Variants in CNTN4 observed in about 807,000 individuals in gnomAD.
CNTN4 encodes contactin 4.
In CNTN4, 77 loss-of-function variants were observed where a neutral mutation model predicts 122.5. The ratio of observed to expected loss-of-function variants is 0.63; its 90% CI spans 0.52 to 0.76. The LOEUF is 0.76. Among genes scored for constraint, CNTN4 ranks in the 30% least tolerant of loss-of-function variants. The pLI, the probability that CNTN4 is intolerant of heterozygous loss-of-function variation, is 0.00. For missense variants in CNTN4, 1,256 were observed against 1,259.1 expected (o/e 1.00, Z 0.04); for synonymous variants, 512 against 447.0 (o/e 1.15, Z -1.83).
chr3:2,734,248 A>G (rs1357611130), intron 4 of CNTN4, among the ~76,000 whole-genome samples: 1 of 151,950 alleles, frequency 6.6e-6, no homozygotes, highest in Non-Finnish European at 1.5e-5. Context: ...TTTGGTAGAG[A>G]TAGGGTCTCC....
intron 12 of CNTN4, among the ~76,000 whole-genome samples, chr3:2,924,130 T>C (rs1397982167): frequency 6.6e-6 from 1 of 152,102 alleles, no homozygotes; most frequent in African/African-American, 2.4e-5. Flanking sequence ...CAGGTGTACA[T>C]TGCATGGCCC....
intron 2 of CNTN4, among the ~76,000 whole-genome samples, chr3:2,288,426 A>AAC (rs2042017546): frequency 6.6e-6 from 1 of 152,122 alleles, no homozygotes; most frequent in Non-Finnish European, 1.5e-5. Flanking sequence ...AAAGAGGTAG[A>AAC]ACTCACTCAC....
At chr3:2,231,092 TTTAA>T (rs2039467920) in intron 2 of CNTN4, among the ~76,000 whole-genome samples, 1 of 152,242 alleles carries the variant, frequency 6.6e-6, no homozygotes, top group Non-Finnish European at 1.5e-5. Context: ...TGAAATTTAC[TTTAA>T]TAAATCATTT....
intron 2 of CNTN4, among the ~76,000 whole-genome samples, chr3:2,120,391 ATATATATATATATATTTTTT>A (rs1411277693): frequency 3.4e-5 from 1 of 29,032 alleles, no homozygotes; most frequent in African/African-American, 9.0e-5. Context: ...ATATATATAT[ATATATATATATATATTTTTT>A]TTTTTTTTTT....
chr3:2,792,139 AG>A (rs2092032480), intron 6 of CNTN4, among the ~76,000 whole-genome samples: 1 of 152,206 alleles, frequency 6.6e-6, no homozygotes, highest in South Asian at 2.1e-4. Flanking sequence ...CCCTTTTCCT[AG>A]TTAAAGTCAC....
intron 3 of CNTN4, among the ~76,000 whole-genome samples, chr3:2,448,360 T>C (rs1482533022): frequency 6.6e-6 from 1 of 152,026 alleles, no homozygotes; most frequent in Non-Finnish European, 1.5e-5. Context: ...AAAAAGCAAA[T>C]GAGAATAAAG....
intron 13 of CNTN4, among the ~76,000 whole-genome samples, chr3:2,962,051 G>T (rs2094866120): frequency 6.6e-6 from 1 of 152,196 alleles, no homozygotes; most frequent in African/African-American, 2.4e-5. Context: ...TCATATGAAA[G>T]ATGTAATTTG....
At chr3:2,557,632 G>A (rs1275561062) in intron 3 of CNTN4, among the ~76,000 whole-genome samples, 3 of 151,994 alleles carry the variant, frequency 2.0e-5, no homozygotes. Context: ...AGGAAGCTGA[G>A]GCAGGAGAAT....
At chr3:2,425,498 G>A (rs1019227288) in intron 3 of CNTN4, among the ~76,000 whole-genome samples, 3 of 152,274 alleles carry the variant, frequency 2.0e-5, no homozygotes, top group African/African-American at 7.2e-5. Context: ...TTGAAGTCAG[G>A]TAGCGTGATG....
intron 6 of CNTN4, among the ~76,000 whole-genome samples, chr3:2,792,275 A>G (rs2149982832): frequency 1.3e-5 from 2 of 152,324 alleles, no homozygotes; most frequent in South Asian, 4.1e-4. Context: ...TACAATAATA[A>G]GTGTTATACT....
At chr3:2,908,483 T>C (rs2094262071) in intron 12 of CNTN4, among the ~76,000 whole-genome samples, 2 of 152,238 alleles carry the variant, frequency 1.3e-5, no homozygotes, top group Non-Finnish European at 2.9e-5. Context: ...AAAAGCAGAA[T>C]AAGGAAGAAG....
At chr3:2,531,473 C>CT (rs2149234803) in intron 3 of CNTN4, among the ~76,000 whole-genome samples, 1 of 152,298 alleles carries the variant, frequency 6.6e-6, no homozygotes, top group African/African-American at 2.4e-5. Flanking sequence ...GGCAGTGAGT[C>CT]TTTAGGGATC....
intron 12 of CNTN4, among the ~76,000 whole-genome samples, chr3:2,910,132 T>C (rs1470454555): frequency 1.3e-5 from 2 of 152,204 alleles, no homozygotes; most frequent in Non-Finnish European, 2.9e-5. Flanking sequence ...CAGACTACCA[T>C]GTGAGGCTTG....
At chr3:2,182,913 T>G (rs1252703869) in intron 2 of CNTN4, among the ~76,000 whole-genome samples, 3 of 152,134 alleles carry the variant, frequency 2.0e-5, no homozygotes, top group Middle Eastern at 3.4e-3. Context: ...TTGTTTCAGA[T>G]TATATTGAAC....
At chr3:2,154,569 G>C (rs1244005156) in intron 2 of CNTN4, among the ~76,000 whole-genome samples, 1 of 152,154 alleles carries the variant, frequency 6.6e-6, no homozygotes, top group African/African-American at 2.4e-5. Flanking sequence ...TAAGTTCTAT[G>C]ATCTGTAGTT....
chr3:2,312,903 G>A (rs2042965125), intron 2 of CNTN4, among the ~76,000 whole-genome samples: 1 of 151,800 alleles, frequency 6.6e-6, no homozygotes, highest in African/African-American at 2.4e-5. Flanking sequence ...ATTGAAAACT[G>A]GAGTTATATG....
At chr3:2,571,669 C>G in intron 4 of CNTN4, 111 bp downstream of exon 4, 1 of 783,542 alleles carries the variant, frequency 1.3e-6, no homozygotes, top group Non-Finnish European at 2.3e-6. Flanking sequence ...AGAGTATATG[C>G]TGCTATGACT....
chr3:2,280,266 G>A (rs2041669352), intron 2 of CNTN4, among the ~76,000 whole-genome samples: 1 of 151,998 alleles, frequency 6.6e-6, no homozygotes, highest in Non-Finnish European at 1.5e-5. Context: ...AGTATCAACA[G>A]GCATTTATAA....
intron 14 of CNTN4, among the ~76,000 whole-genome samples, chr3:3,013,392 A>G (rs184601785): frequency 3.9e-5 from 6 of 152,266 alleles, no homozygotes; most frequent in East Asian, 1.9e-4. Context: ...AGAGTCAGTA[A>G]GAGAAAGTCC....
Sources: allele counts gnomAD v4.1 joint callset (sites outside exome capture counted in the v4.1 genomes callset), GRCh38; gene constraint gnomAD v4.1.1; transcripts MANE v1.5; gene names NCBI Gene and HGNC (gene_info 2026-07-23, HGNC 2026-07-21).